The following MOV10L1 variants were observed in gnomAD, a reference collection of about 807,000 sequenced individuals.
The protein encoded by MOV10L1 is Mov10 like RNA helicase 1.
In MOV10L1, 110 loss-of-function variants were observed where a neutral mutation model predicts 143.8. The ratio of observed to expected loss-of-function variants is 0.76; its 90% CI spans 0.66 to 0.90. The LOEUF (loss-of-function observed/expected upper bound fraction) is 0.90, where lower values mean the gene tolerates loss of function less well. MOV10L1 is among the 40% of genes least tolerant of loss of function. The pLI, the probability that MOV10L1 is intolerant of heterozygous loss-of-function variation, is 0.00. For missense variants in MOV10L1, 1,406 were observed against 1,526.8 expected (o/e 0.92, Z 1.32); for synonymous variants, 593 against 581.1 (o/e 1.02, Z -0.29).
intron 20 of MOV10L1, 130 bp from the exon 21 acceptor site, chr22:50,150,605 C>A: frequency 9.7e-7 from 1 of 1,031,536 alleles, no homozygotes; most frequent in Non-Finnish European, 1.4e-6. Flanking sequence ...GTCTCCCAGT[C>A]CCTCCCGTCG....
At chr22:50,140,589 T>C (rs955081706) in intron 15 of MOV10L1, among the ~76,000 whole-genome samples, 13 of 152,276 alleles carry the variant, frequency 8.5e-5, no homozygotes, top group South Asian at 6.2e-4. Flanking sequence ...AAAAATCTTA[T>C]AGTGTTTTAA....
intron 10 of MOV10L1, among the ~76,000 whole-genome samples, chr22:50,125,120 G>A (rs1373290304): frequency 6.6e-6 from 1 of 152,248 alleles, no homozygotes; most frequent in Non-Finnish European, 1.5e-5. Context: ...AGAGCAGGGA[G>A]GGTGGACAGG....
chr22:50,128,382 A>G, intron 12 of MOV10L1, 34 bp from the exon 13 acceptor site: 2 of 1,163,362 alleles, frequency 1.7e-6, no homozygotes, highest in Non-Finnish European at 2.5e-6. Context: ...ACATTATTTC[A>G]AGAAATCAGG....
chr22:50,145,769 C>G lies in MOV10L1; in HGVS notation c.2586C>G (p.Thr862=). The stretch of plus-strand genomic sequence containing the variant: ...CCTCACGCTTCCGGATAATCATCAC[C>G]ACATGCAGCAGCTCAGGGCTGTTTT... ...WKASRFRIII[T]TCSSSGLFYQ... The change falls in exon 19 of 27, where the codon ACC becomes ACG. Residue 862 remains threonine, a synonymous_variant. Transcript: ENST00000262794. The G allele has an allele frequency of 1.9e-6, 3 of 1,614,150 alleles. No homozygotes were observed. The highest frequency in any genetic ancestry group is 2.5e-6 in the Non-Finnish European group (3 of 1,180,024).
rs2062381708 is a variant in MOV10L1 at position 50,090,012 on chromosome 22, GGCGGGC to G, written c.-75_-70del. The G allele has an allele frequency of 9.0e-7, 1 of 1,108,276 alleles. No homozygotes were observed. The highest frequency in any genetic ancestry group is 1.1e-6 in the Non-Finnish European group (1 of 901,920). 68.7% of individuals were successfully genotyped at this position (1,108,276 alleles called of 1,614,324 possible). A position where few individuals can be genotyped will look rare whatever the true frequency, so the allele number is the denominator to read the frequency against. ...GCCCAGGCGCGGCGACCCCATTGGT[GGCGGGC>G]GGCGGGAGCGGCGCGGGCGCGTGCG... On this transcript the variant is annotated 5_prime_UTR_variant, in exon 1 of 27. Transcript: ENST00000262794.
rs185101432 is a variant in MOV10L1, at chr22:50,115,792, C to T, written c.1259+546C>T. Among the ~76,000 whole-genome samples the T allele has an allele frequency of 2.8e-3, 432 of 152,312 alleles. 2 individuals are homozygous for T. The highest frequency in any genetic ancestry group is 0.017 in the Middle Eastern group (5 of 294). ...CTGTTCTGAGACATCACGTTGGCTCCTCTTCACTGCCTTGCCCGTGTTCCG... is the reference window on the plus strand; with the variant it reads ...CTGTTCTGAGACATCACGTTGGCTCTTCTTCACTGCCTTGCCCGTGTTCCG... On this transcript the variant is annotated intron_variant, in intron 8 of 26. Transcript: ENST00000262794.
At chr22:50,113,907 CTTTTCTTTT>C in intron 6 of MOV10L1, 119 bp downstream of exon 6, 7 of 451,122 alleles carry the variant, frequency 1.6e-5, no homozygotes, top group South Asian at 5.6e-5. Context: ...TTATGAAGAT[CTTTTCTTTT>C]TTTTTTTTTT....
chr22:50,124,899 T>C (rs1350394773), intron 10 of MOV10L1, among the ~76,000 whole-genome samples: 2 of 152,206 alleles, frequency 1.3e-5, no homozygotes, highest in Non-Finnish European at 2.9e-5. Context: ...GTTTCCCCAG[T>C]CTTGGGATCA....
chr22:50,133,856 T>C, intron 13 of MOV10L1, 151 bp from the exon 14 acceptor site: 1 of 716,056 alleles, frequency 1.4e-6, no homozygotes, highest in East Asian at 3.0e-5. Context: ...TCTAGTGTTT[T>C]TCTGTTCTCT....
chr22:50,104,224 A>G (rs1188115580), intron 3 of MOV10L1, among the ~76,000 whole-genome samples: 1 of 152,226 alleles, frequency 6.6e-6, no homozygotes, highest in Admixed American at 6.5e-5. Context: ...CTGCAAATAT[A>G]GATGAAACTT....
chr22:50,126,810 T>C (rs917080432), intron 12 of MOV10L1, among the ~76,000 whole-genome samples: 10 of 152,110 alleles, frequency 6.6e-5, no homozygotes, highest in African/African-American at 2.4e-4. Context: ...TTACTTAATG[T>C]AGAAAACTTG....
chr22:50,117,088 A>C, intron 8 of MOV10L1, 69 bp from the exon 9 acceptor site: 1 of 1,456,572 alleles, frequency 6.9e-7, no homozygotes, highest in Non-Finnish European at 9.3e-7. Flanking sequence ...TTGTATGTAC[A>C]AAGGAAAATT....
In MOV10L1 at chr22:50,160,000, G is replaced by A. The variant is rs2063514549; in HGVS notation, c.3324+215G>A. 6.6e-6 allele frequency among the ~76,000 whole-genome samples: 1 copy of A among 152,152 alleles called. No homozygotes were observed. The highest frequency in any genetic ancestry group is 1.5e-5 in the Non-Finnish European group (1 of 68,026). Reference sequence around the variant, plus strand: ...AGACTAAGACACAGGAGAGTAAAGAGAAGGGACCCAGGAAGACATGGTGAA... The same window carrying A: ...AGACTAAGACACAGGAGAGTAAAGAAAAGGGACCCAGGAAGACATGGTGAA... On this transcript the variant is annotated intron_variant, in intron 24 of 26. Transcript: ENST00000262794. This position sits in a 1 kb window ranked among gnomAD's most constrained non-coding sequence, Gnocchi z 4.1.
At chr22:50,133,905 T>A in intron 13 of MOV10L1, 102 bp from the exon 14 acceptor site, 15 of 944,778 alleles carry the variant, frequency 1.6e-5, no homozygotes, top group Non-Finnish European at 2.3e-5. Flanking sequence ...GATTTTTTTA[T>A]ATTGACTTAA....
chr22:50,121,818 G>T, intron 10 of MOV10L1, among the ~76,000 whole-genome samples: 1 of 152,222 alleles, frequency 6.6e-6, no homozygotes, highest in East Asian at 1.9e-4. Context: ...TTTTGATGCT[G>T]CAGCTTTGTA....
At chr22:50,145,987 C>T (rs17013168) in intron 19 of MOV10L1, among the ~76,000 whole-genome samples, 177 bp downstream of exon 19, 8,734 of 152,128 alleles carry the variant, frequency 0.057, 876 homozygotes, top group African/African-American at 0.2. Context: ...CTGGGGAAGC[C>T]GAGACCCCAA....
intron 20 of MOV10L1, 129 bp from the exon 21 acceptor site, chr22:50,150,606 C>G: frequency 1.9e-6 from 2 of 1,041,646 alleles, no homozygotes; most frequent in South Asian, 3.2e-5. Context: ...TCTCCCAGTC[C>G]CTCCCGTCGT....
At chr22:50,117,808 G>C (rs1182500191) in intron 9 of MOV10L1, among the ~76,000 whole-genome samples, 1 of 152,216 alleles carries the variant, frequency 6.6e-6, no homozygotes, top group Admixed American at 6.5e-5. Flanking sequence ...GGAGTTAGGA[G>C]AAGCAGTGTG....
intron 21 of MOV10L1, among the ~76,000 whole-genome samples, chr22:50,151,815 G>A (rs1445668195): frequency 6.6e-6 from 1 of 152,238 alleles, no homozygotes; most frequent in African/African-American, 2.4e-5. Flanking sequence ...CTTCAGGGCA[G>A]GTGCATACAG....
Sources: gnomAD v4.1 joint callset for allele counts (sites outside exome capture counted in the v4.1 genomes callset) on GRCh38, gnomAD v4.1.1 for gene constraint, Gnocchi (gnomAD v3.1) non-coding constraint, MANE v1.5 for transcripts, NCBI Gene and HGNC (gene_info 2026-07-23, HGNC 2026-07-21) for gene names.